Variants in DGKG observed in about 807,000 individuals in gnomAD.
DGKG encodes diacylglycerol kinase gamma.
In DGKG, 78 loss-of-function variants were observed where a neutral mutation model predicts 105.3. That is an observed-to-expected ratio of 0.74 (90% CI 0.62 to 0.89). The LOEUF (loss-of-function observed/expected upper bound fraction) is 0.89. Among genes scored for constraint, DGKG ranks in the 40% least tolerant of loss-of-function variants. The pLI is 0.00. For synonymous variants in DGKG, 346 were observed against 367.1 expected (o/e 0.94, Z 0.66); for missense variants, 958 against 1,020.1 (o/e 0.94, Z 0.83).
chr3:186,355,287 A>ACCGC (rs1726878085), intron 1 of DGKG, among the ~76,000 whole-genome samples: 1 of 73,168 alleles, frequency 1.4e-5, no homozygotes, highest in Non-Finnish European at 3.4e-5. Context: ...CACGATCATC[A>ACCGC]TCACCACCAT....
At chr3:186,301,484 G>A (rs750715878) in intron 3 of DGKG, among the ~76,000 whole-genome samples, 1 of 152,134 alleles carries the variant, frequency 6.6e-6, no homozygotes, top group Admixed American at 6.5e-5. Flanking sequence ...ACCATTAGCT[G>A]GGCGTGGTGG....
At chr3:186,303,037 C>T (rs1407782543) in intron 3 of DGKG, among the ~76,000 whole-genome samples, 2 of 152,156 alleles carry the variant, frequency 1.3e-5, no homozygotes, top group African/African-American at 4.8e-5. Flanking sequence ...AGCCAGACCT[C>T]CTGACTCCCT....
chr3:186,222,219 A>C (rs567188105), intron 20 of DGKG, among the ~76,000 whole-genome samples: 1 of 152,206 alleles, frequency 6.6e-6, no homozygotes, highest in South Asian at 2.1e-4. Flanking sequence ...TCGGGTTACA[A>C]AAGTTCCTTG....
At chr3:186,248,052 A>T (rs745719277) in intron 19 of DGKG, among the ~76,000 whole-genome samples, 46 of 151,874 alleles carry the variant, frequency 3.0e-4, no homozygotes, top group Admixed American at 9.8e-4. Context: ...TTGCTAGAAT[A>T]AATTAAAACT....
rs1715644873 is a variant in DGKG, at chr3:186,149,272, A to G, written c.*818T>C. On this transcript the variant is annotated 3_prime_UTR_variant, in exon 25 of 25. Coordinates refer to ENST00000265022, the MANE Select transcript of DGKG (RefSeq NM_001346.3). Reference sequence around the variant, plus strand: ...CCTTCCCTTTTTACACAATATTATGACACCAATTTGAAAAATAAATCCCAG... The same window carrying G: ...CCTTCCCTTTTTACACAATATTATGGCACCAATTTGAAAAATAAATCCCAG... 3 of 984,888 alleles carry G rather than the reference A, an allele frequency of 3.0e-6. No homozygotes were observed. The highest frequency in any genetic ancestry group is 3.6e-6 in the Non-Finnish European group (3 of 829,802). 61.0% of individuals were successfully genotyped at this position (984,888 alleles called of 1,614,324 possible).
chr3:186,224,366 C>G (rs1719746908), intron 20 of DGKG, among the ~76,000 whole-genome samples: 1 of 152,196 alleles, frequency 6.6e-6, no homozygotes. Context: ...AAAGCATTGC[C>G]TTTGCCCATG....
intron 1 of DGKG, among the ~76,000 whole-genome samples, chr3:186,334,699 GA>G (rs1246905924): frequency 6.6e-6 from 1 of 152,156 alleles, no homozygotes; most frequent in Non-Finnish European, 1.5e-5. Flanking sequence ...CTGTTAGGTG[GA>G]TACAAATATT....
intron 1 of DGKG, among the ~76,000 whole-genome samples, chr3:186,332,879 G>A (rs1725665548): frequency 6.6e-6 from 1 of 152,052 alleles, no homozygotes; most frequent in Admixed American, 6.6e-5. Context: ...TCTATCATGG[G>A]AGGGGAACTG....
At chr3:186,246,254 G>C (rs567582821) in intron 19 of DGKG, among the ~76,000 whole-genome samples, 1 of 152,210 alleles carries the variant, frequency 6.6e-6, no homozygotes, top group African/African-American at 2.4e-5. Flanking sequence ...TTACAGGTGT[G>C]AGCCCCCACG....
chr3:186,333,878 A>G (rs1480248099), intron 1 of DGKG, among the ~76,000 whole-genome samples: 1 of 152,106 alleles, frequency 6.6e-6, no homozygotes, highest in Non-Finnish European at 1.5e-5. Flanking sequence ...TTTAACAGTA[A>G]CCGCAACAAA....
At chr3:186,333,102 G>A (rs78904245) in intron 1 of DGKG, among the ~76,000 whole-genome samples, 2 of 152,142 alleles carry the variant, frequency 1.3e-5, no homozygotes, top group African/African-American at 4.8e-5. Context: ...CAGGTATCCC[G>A]TTATAAGCAG....
chr3:186,347,022 C>G (rs1340301609), intron 1 of DGKG, among the ~76,000 whole-genome samples: 1 of 151,940 alleles, frequency 6.6e-6, no homozygotes, highest in African/African-American at 2.4e-5. Flanking sequence ...TAATATCACC[C>G]TCCTTTCTTT....
chr3:186,187,888 G>A (rs945176117), intron 22 of DGKG, among the ~76,000 whole-genome samples: 1 of 152,196 alleles, frequency 6.6e-6, no homozygotes, highest in African/African-American at 2.4e-5. Flanking sequence ...GCTGTGGCAA[G>A]ATGAGGGTTA....
intron 20 of DGKG, among the ~76,000 whole-genome samples, chr3:186,224,340 G>A (rs748841644): frequency 2.6e-5 from 4 of 152,082 alleles, no homozygotes; most frequent in Non-Finnish European, 5.9e-5. Flanking sequence ...TATGACTCAC[G>A]GCTGAGGAAG....
At chr3:186,239,417 TGCCTTGCG>T (rs1720569011) in intron 20 of DGKG, among the ~76,000 whole-genome samples, 1 of 152,244 alleles carries the variant, frequency 6.6e-6, no homozygotes, top group South Asian at 2.1e-4. Context: ...TTTCTTCCTA[TGCCTTGCG>T]GCCTTTCCTA....
chr3:186,263,653 G>GT (rs1207408932), intron 14 of DGKG, among the ~76,000 whole-genome samples: 3 of 91,046 alleles, frequency 3.3e-5, no homozygotes, highest in East Asian at 4.6e-4. Context: ...TTGTTCATTT[G>GT]TATTTTTTTT....
chr3:186,316,435 A>G (rs1355231104), intron 2 of DGKG, among the ~76,000 whole-genome samples: 2 of 152,250 alleles, frequency 1.3e-5, no homozygotes, highest in Non-Finnish European at 2.9e-5. Context: ...TTATACTTAT[A>G]TTTATACATA....
At chr3:186,334,449 A>G (rs1725737111) in intron 1 of DGKG, among the ~76,000 whole-genome samples, 1 of 152,198 alleles carries the variant, frequency 6.6e-6, no homozygotes, top group African/African-American at 2.4e-5. Context: ...TCCACCAACC[A>G]GCAGTGTCCT....
chr3:186,233,685 G>T (rs1368854516), intron 20 of DGKG, among the ~76,000 whole-genome samples: 3 of 152,132 alleles, frequency 2.0e-5, no homozygotes, highest in Non-Finnish European at 4.4e-5. Context: ...GGGTTTCACC[G>T]TGTCAGCCAG....
Sources: allele counts gnomAD v4.1 joint callset (sites outside exome capture counted in the v4.1 genomes callset), GRCh38; gene constraint gnomAD v4.1.1; transcripts MANE v1.5; gene names NCBI Gene and HGNC (gene_info 2026-07-23, HGNC 2026-07-21).